The following SCN4B variants were observed in gnomAD, a reference collection of about 807,000 sequenced individuals.
The protein encoded by SCN4B is sodium voltage-gated channel beta subunit 4, also known as sodium channel regulatory subunit beta-4.
A neutral mutation model predicts 19.6 loss-of-function variants in SCN4B; 20 were observed. The ratio of observed to expected loss-of-function variants is 1.02; its 90% confidence interval spans 0.72 to 1.48. The LOEUF (loss-of-function observed/expected upper bound fraction) is 1.48, where lower values mean the gene tolerates loss of function less well. Among genes scored for constraint, SCN4B ranks in the 40% most tolerant of loss-of-function variants. The probability of loss-of-function intolerance (pLI) is 0.00; values close to 1 mark genes in which losing one functional copy is unlikely to be tolerated. For synonymous variants in SCN4B, 127 were observed against 122.8 expected, an observed-to-expected ratio of 1.03 and a Z score of -0.22; for missense variants, 271 against 287.5, an observed-to-expected ratio of 0.94 and a Z score of 0.42.
At position 118,152,801 on chromosome 11, in the gene SCN4B, G is replaced by C. The variant is rs1948247978; in HGVS notation, c.-128C>G. 4 of 649,696 alleles carry C rather than the reference G, an allele frequency of 6.2e-6. No individual in the cohort carries two copies. The highest frequency in any genetic ancestry group is 7.5e-6 in the Non-Finnish European group (3 of 399,894). The allele number at this position is 649,696 out of a possible 1,614,324, so 40.2% of individuals were successfully genotyped here. On this transcript the variant is annotated 5_prime_UTR_variant, in exon 1 of 5. Coordinates refer to ENST00000324727, the MANE Select transcript of SCN4B (RefSeq NM_174934.4). ...AGCTCTGCGCCGCCGGTCGGGGCTC[G>C]GGAAAGTTAGCGGGCAGAGAGCGAG...
At position 118,152,817 on chromosome 11, in the gene SCN4B, A is replaced by C. The variant is rs1440882337; in HGVS notation, c.-144T>G. The C allele has an allele frequency of 5.7e-5, 30 of 530,076 alleles. No individual in the cohort carries two copies. The highest frequency in any genetic ancestry group is 1.1e-3 in the Middle Eastern group (2 of 1,890). The allele number at this position is 530,076 out of a possible 1,614,324, so 32.8% of individuals were successfully genotyped here. A position where few individuals can be genotyped will look rare whatever the true frequency, so the allele number is the denominator to read the frequency against. On this transcript the variant is annotated 5_prime_UTR_variant, in exon 1 of 5. Coordinates refer to ENST00000324727, the MANE Select transcript of SCN4B (RefSeq NM_174934.4). ...TCGGGGCTCGGGAAAGTTAGCGGGC[A>C]GAGAGCGAGAGGAGGGGGAGGGAGG...
In SCN4B at chr11:118,145,117, G is replaced by A. The variant is rs45539032; in HGVS notation, c.174C>T (p.Cys58=). 0.038 allele frequency: 62,106 copies of A among 1,614,124 alleles called. 1,311 individuals carry two copies. Among genetic ancestry groups the A allele is most frequent in the Middle Eastern group, 0.058 (353 of 6,062 alleles). The change falls in exon 2 of 5, where the codon TGC becomes TGT. Residue 58 remains cysteine (C), a synonymous_variant. Transcript: ENST00000324727. ...GGAAGTGGAGGTCCTCGAAGCCAAAGCAGCTGGAGAAGGTGCAGGGCAGCA... is the reference window on the plus strand; with the variant it reads ...GGAAGTGGAGGTCCTCGAAGCCAAAACAGCTGGAGAAGGTGCAGGGCAGCA... The part of the protein sequence containing the change: ...EILLPCTFSS[C]FGFEDLHFRW...
chr11:118,137,187 GA>G, intron 4 of SCN4B, 67 bp from the exon 5 acceptor site: 1 of 1,222,710 alleles, frequency 8.2e-7, no homozygotes, highest in Non-Finnish European at 1.2e-6. Context: ...ATTGTGGCAG[GA>G]GCCGTGGGCC....
At chr11:118,143,639 T>C (rs1948128680) in intron 3 of SCN4B, among the ~76,000 whole-genome samples, 194 bp downstream of exon 3, 1 of 113,670 alleles carries the variant, frequency 8.8e-6, no homozygotes, top group South Asian at 3.0e-4. Context: ...GAGTATTTCA[T>C]AAGCTATTTG....
chr11:118,146,100 G>T (rs1948171190), intron 1 of SCN4B, among the ~76,000 whole-genome samples: 1 of 152,006 alleles, frequency 6.6e-6, no homozygotes, highest in African/African-American at 2.4e-5. Context: ...CTGGACCCGC[G>T]GTCCCCTCCT....
rs1948135236 is a variant in SCN4B, at chr11:118,143,996, G to A, written c.300C>T (p.Arg100=). The change falls in exon 3 of 5, where the codon CGC becomes CGT. Residue 100 remains arginine (R), a synonymous_variant. Transcript: ENST00000324727. ...DPKVTLKDDD[R]ITLVGSTKEK... ...CCTTAGTAGAGCCTACCAGAGTGAT[G>A]CGGTCATCGTCTTTCAACGTCACCT... is the stretch of plus-strand genomic sequence containing the variant. 6.2e-7 allele frequency: 1 copy of A among 1,614,146 alleles called. No homozygotes were observed.
At position 118,148,175 on chromosome 11, in the gene SCN4B, G is replaced by T. The variant is rs1270739933; in HGVS notation, c.62-2946C>A. On this transcript the variant is annotated intron_variant, in intron 1 of 4. Transcript: ENST00000324727. The surrounding 1 kb of genome is among the most constrained non-coding windows in gnomAD (Gnocchi z 4.0). The stretch of plus-strand genomic sequence containing the variant: ...GGGAAAATGAAAACCGGCAGAAATG[G>T]TTTCACAGAGTCCAGAGCCCTGCCC... Among the ~76,000 whole-genome samples, 1 of 152,226 alleles carries T rather than the reference G, an allele frequency of 6.6e-6. No individual in the cohort carries two copies. The highest frequency in any genetic ancestry group is 6.5e-5 in the Admixed American group (1 of 15,282).
Position 118,133,609 on chromosome 11 carries a change from T to C in SCN4B, c.*3418A>G, listed in dbSNP as rs144175127. On this transcript the variant is annotated 3_prime_UTR_variant, in exon 5 of 5. Transcript: ENST00000324727. ...ATAGGAAAATTGACTATGGGTATTG[T>C]TGTCATCCAAGCCAGAGGAATAAAC... 2.4e-5 allele frequency: 11 copies of C among 454,534 alleles called. No homozygotes were observed. In the East Asian group the frequency reaches 6.9e-4, roughly 29 times the overall value. The allele number at this position is 454,534 out of a possible 1,614,324, so 28.2% of individuals were successfully genotyped here.
intron 1 of SCN4B, among the ~76,000 whole-genome samples, chr11:118,147,127 A>G (rs1178568732): frequency 6.6e-6 from 1 of 152,234 alleles, no homozygotes; most frequent in Non-Finnish European, 1.5e-5. Flanking sequence ...TGCTGTGCGC[A>G]GGGACCACAC....
chr11:118,147,085 A>G (rs553630547), intron 1 of SCN4B, among the ~76,000 whole-genome samples: 3 of 152,326 alleles, frequency 2.0e-5, no homozygotes, highest in African/African-American at 7.2e-5. Flanking sequence ...GTGGAGCCTG[A>G]GCTTTTACAT....
chr11:118,145,265 C>A (rs1415372682), intron 1 of SCN4B, 36 bp from the exon 2 acceptor site: 2 of 1,613,212 alleles, frequency 1.2e-6, no homozygotes, highest in African/African-American at 2.7e-5. Context: ...AATAAAACCC[C>A]ACCAGCCTGG....
intron 3 of SCN4B, chr11:118,142,862 C>T (rs190714422): frequency 3.5e-4 from 48 of 138,018 alleles, no homozygotes; most frequent in African/African-American, 1.1e-3. Context: ...TGACAGAAGC[C>T]CAGACAGAAA....
intron 1 of SCN4B, chr11:118,145,447 GGGAGT>G (rs1948160074): frequency 6.7e-7 from 1 of 1,483,316 alleles, no homozygotes; most frequent in African/African-American, 1.4e-5. Context: ...TTCTGGACCA[GGGAGT>G]AGCCCTTGTT....
chr11:118,148,822 C>T lies in SCN4B; in HGVS notation c.62-3593G>A, dbSNP rs550082628. ...GCTTATTTCCATGTGGCCATTTCCC[C>T]GGAGTAAAGAAAGCCTTGCTTTGCT... On this transcript the variant is annotated intron_variant, in intron 1 of 4. Coordinates refer to ENST00000324727, the MANE Select transcript of SCN4B (RefSeq NM_174934.4). The surrounding 1 kb of genome is among the most constrained non-coding windows in gnomAD (Gnocchi z 4.0). Among the ~76,000 whole-genome samples, 13 of 152,270 alleles carry T rather than the reference C, an allele frequency of 8.5e-5. No homozygotes were observed. The highest frequency in any genetic ancestry group is 2.9e-4 in the African/African-American group (12 of 41,540).
In SCN4B at chr11:118,136,299, G is replaced by A. The variant is rs1361795349; in HGVS notation, c.*728C>T. ...GCACTCGGGTACTCCAGGAAGGCTC[G>A]AGGGGCCCCTTCCTGAGCCCCTCAG... On this transcript the variant is annotated 3_prime_UTR_variant, in exon 5 of 5. Coordinates refer to ENST00000324727, the MANE Select transcript of SCN4B (RefSeq NM_174934.4). 1.3e-5 allele frequency: 6 copies of A among 453,712 alleles called. No homozygotes were observed. Among genetic ancestry groups the A allele is most frequent in the Admixed American group, 7.0e-5 (3 of 42,556 alleles). 28.1% of individuals were successfully genotyped at this position (453,712 alleles called of 1,614,324 possible).
At chr11:118,145,030 T>A (rs900809630) in intron 2 of SCN4B, 27 bp downstream of exon 2, 1 of 1,610,148 alleles carries the variant, frequency 6.2e-7, no homozygotes. Context: ...GAGGCTGGGC[T>A]GTACTGTTCT....
At chr11:118,142,770 A>C (rs1948115366) in intron 3 of SCN4B, 9 of 152,244 alleles carry the variant, frequency 5.9e-5, no homozygotes, top group Admixed American at 5.9e-4. Context: ...CAATGACAGC[A>C]ACTAACTCGG....
chr11:118,135,559 C>T lies in SCN4B; in HGVS notation c.*1468G>A, dbSNP rs1370671938. ...CAACAAGGACTCAGGAGATCCCACTCCCAACATCACCACCTCCCCCTAGGG... is the reference window on the plus strand; with the variant it reads ...CAACAAGGACTCAGGAGATCCCACTTCCAACATCACCACCTCCCCCTAGGG... On this transcript the variant is annotated 3_prime_UTR_variant, in exon 5 of 5. Transcript: ENST00000324727. 1 of 453,956 alleles carries T rather than the reference C, an allele frequency of 2.2e-6. No individual in the cohort carries two copies. The highest frequency in any genetic ancestry group is 4.4e-6 in the Non-Finnish European group (1 of 226,770). The allele number at this position is 453,956 out of a possible 1,614,324, so 28.1% of individuals were successfully genotyped here. A position where few individuals can be genotyped will look rare whatever the true frequency, so the allele number is the denominator to read the frequency against.
intron 4 of SCN4B, among the ~76,000 whole-genome samples, chr11:118,138,269 A>G (rs1385240487): frequency 2.6e-5 from 4 of 152,190 alleles, no homozygotes; most frequent in Non-Finnish European, 5.9e-5. Context: ...GAAGGACTGA[A>G]TATTTTGTCC....
Sources: allele counts gnomAD v4.1 joint callset (sites outside exome capture counted in the v4.1 genomes callset), GRCh38; gene constraint gnomAD v4.1.1; non-coding constraint Gnocchi (gnomAD v3.1); transcripts MANE v1.5; gene names NCBI Gene and HGNC (gene_info 2026-07-23, HGNC 2026-07-21).